ZSWIM6: variants seen among roughly 807,000 people sequenced by gnomAD.
ZSWIM6 encodes zinc finger SWIM domain-containing protein 6.
A neutral mutation model predicts 113.2 loss-of-function variants in ZSWIM6; 9 were observed. That is an observed-to-expected ratio of 0.08 (90% CI 0.05 to 0.14). The LOEUF is 0.14. Among genes scored for constraint, ZSWIM6 ranks in the 10% least tolerant of loss-of-function variants. The pLI is 1.00. For missense variants in ZSWIM6, 1,162 were observed against 1,552.2 expected, an observed-to-expected ratio of 0.75 and a Z score of 4.22; for synonymous variants, 611 against 606.5, an observed-to-expected ratio of 1.01 and a Z score of -0.11.
Position 61,466,496 on chromosome 5 carries a change from G to A in ZSWIM6, c.677-6185G>A, listed in dbSNP as rs527897739. Among the ~76,000 whole-genome samples the A allele has an allele frequency of 2.0e-5, 3 of 152,260 alleles. No individual in the cohort carries two copies. In the East Asian group the frequency reaches 5.8e-4, roughly 29 times the overall value. On this transcript the variant is annotated intron_variant, in intron 1 of 13. Coordinates refer to ENST00000252744, the MANE Select transcript of ZSWIM6 (RefSeq NM_020928.2). ...AAGGGTGAAAGATGTATTTGTGTAA[G>A]TACTACACCAGTGCTTCTGTTAAAT...
rs554849943 is a variant in ZSWIM6, at chr5:61,337,075, G to T, written c.676+4127G>T. On this transcript the variant is annotated intron_variant, in intron 1 of 13. Transcript: ENST00000252744. ...GTGGGTGGATCACCTGAGGTCAGGG[G>T]TTAGAGACCAGCCTGGCCAACAGGG... Among the ~76,000 whole-genome samples the T allele has an allele frequency of 3.3e-5, 5 of 152,268 alleles. No individual in the cohort carries two copies. The East Asian group carries it at 9.7e-4, about 30-fold the overall frequency.
chr5:61,485,058 A>T (rs1278180339), intron 2 of ZSWIM6, among the ~76,000 whole-genome samples: 2 of 152,096 alleles, frequency 1.3e-5, no homozygotes, highest in Admixed American at 6.5e-5. Context: ...CCAGGGGGGA[A>T]AATGTATATG....
chr5:61,474,501 T>C (rs1287806867), intron 2 of ZSWIM6, among the ~76,000 whole-genome samples: 2 of 152,228 alleles, frequency 1.3e-5, no homozygotes, highest in African/African-American at 2.4e-5. Context: ...ATCTAAAATA[T>C]CAATCCAACA....
At chr5:61,337,745 C>T (rs1744433189) in intron 1 of ZSWIM6, among the ~76,000 whole-genome samples, 1 of 152,132 alleles carries the variant, frequency 6.6e-6, no homozygotes, top group Non-Finnish European at 1.5e-5. Flanking sequence ...TGCATAAAAA[C>T]ATCTGTAAGT....
chr5:61,419,501 C>G (rs902838720), intron 1 of ZSWIM6, among the ~76,000 whole-genome samples: 1 of 152,130 alleles, frequency 6.6e-6, no homozygotes, highest in African/African-American at 2.4e-5. Flanking sequence ...ACTGAGCTGC[C>G]CAGTAAGGCA....
chr5:61,356,717 A>G (rs1438683669), intron 1 of ZSWIM6, among the ~76,000 whole-genome samples: 1 of 107,366 alleles, frequency 9.3e-6, no homozygotes, highest in Non-Finnish European at 1.9e-5. Flanking sequence ...TATAATATAT[A>G]TAACATAATA....
chr5:61,459,713 G>A (rs1162492785), intron 1 of ZSWIM6, among the ~76,000 whole-genome samples: 3 of 152,102 alleles, frequency 2.0e-5, no homozygotes, highest in African/African-American at 7.2e-5. Context: ...GTATTCATAT[G>A]TCAGGCACTG....
At chr5:61,338,351 A>G (rs1035048589) in intron 1 of ZSWIM6, among the ~76,000 whole-genome samples, 1 of 152,164 alleles carries the variant, frequency 6.6e-6, no homozygotes, top group Non-Finnish European at 1.5e-5. Flanking sequence ...TTGATAGTAC[A>G]TTTCATTGAA....
intron 1 of ZSWIM6, among the ~76,000 whole-genome samples, chr5:61,381,478 T>C (rs931347711): frequency 6.6e-6 from 1 of 152,210 alleles, no homozygotes; most frequent in Non-Finnish European, 1.5e-5. Flanking sequence ...CTATTGAATT[T>C]AAATAAGGCA....
chr5:61,521,590 G>A (rs1749123038), intron 5 of ZSWIM6, 148 bp downstream of exon 5: 2 of 522,818 alleles, frequency 3.8e-6, no homozygotes, highest in East Asian at 3.5e-5. Context: ...GACTGTGAGT[G>A]TATGTGTGTC....
chr5:61,344,858 A>G (rs994120021), intron 1 of ZSWIM6, among the ~76,000 whole-genome samples: 1 of 152,230 alleles, frequency 6.6e-6, no homozygotes, highest in Admixed American at 6.5e-5. Context: ...AATTTCAGAC[A>G]TATTCTGTGC....
At chr5:61,335,666 G>A (rs1432059188) in intron 1 of ZSWIM6, among the ~76,000 whole-genome samples, 8 of 152,212 alleles carry the variant, frequency 5.3e-5, no homozygotes, top group Admixed American at 3.3e-4. Flanking sequence ...AATTACAAGT[G>A]TACAGAAAGT....
chr5:61,437,040 C>T (rs1478648176), intron 1 of ZSWIM6, among the ~76,000 whole-genome samples: 1 of 152,164 alleles, frequency 6.6e-6, no homozygotes, highest in Non-Finnish European at 1.5e-5. Flanking sequence ...TGCTTCAAGG[C>T]ACACACGTTC....
At chr5:61,384,060 T>C (rs1579966761) in intron 1 of ZSWIM6, among the ~76,000 whole-genome samples, 1 of 148,842 alleles carries the variant, frequency 6.7e-6, no homozygotes, top group African/African-American at 2.4e-5. Flanking sequence ...GCTAACAAGG[T>C]GAAACCCCGT....
chr5:61,544,965 A>G lies in ZSWIM6; in HGVS notation c.*648A>G, dbSNP rs1455132026. 1 of 152,100 alleles carries G rather than the reference A, an allele frequency of 6.6e-6. No individual in the cohort carries two copies. The highest frequency in any genetic ancestry group is 6.6e-5 in the Admixed American group (1 of 15,256). 9.4% of individuals were successfully genotyped at this position (152,100 alleles called of 1,614,324 possible). On this transcript the variant is annotated 3_prime_UTR_variant, in exon 14 of 14. Transcript: ENST00000252744. ...AGAATGAGAGCATTTATTGTACTGT[A>G]TATATATTATAGTATATGTCTGAAT...
At chr5:61,340,728 G>A (rs1240479453) in intron 1 of ZSWIM6, among the ~76,000 whole-genome samples, 1 of 152,154 alleles carries the variant, frequency 6.6e-6, no homozygotes, top group Non-Finnish European at 1.5e-5. Flanking sequence ...TAGTTTGGTA[G>A]TCTCTGAAAT....
intron 1 of ZSWIM6, among the ~76,000 whole-genome samples, chr5:61,407,917 C>G (rs1746075072): frequency 1.3e-5 from 2 of 152,162 alleles, no homozygotes; most frequent in African/African-American, 4.8e-5. Context: ...GGTAAAGGTA[C>G]AGTCTCAGTG....
intron 1 of ZSWIM6, among the ~76,000 whole-genome samples, chr5:61,389,129 C>G (rs1745648328): frequency 6.6e-6 from 1 of 152,128 alleles, no homozygotes; most frequent in African/African-American, 2.4e-5. Context: ...TGAGGGCACT[C>G]TGTAGGGCTT....
chr5:61,371,673 A>G (rs1235872029), intron 1 of ZSWIM6, among the ~76,000 whole-genome samples: 1 of 152,184 alleles, frequency 6.6e-6, no homozygotes, highest in African/African-American at 2.4e-5. Context: ...TCCAGGGAGC[A>G]ATTAGGAGGG....
Sources: gnomAD v4.1 joint callset for allele counts (sites outside exome capture counted in the v4.1 genomes callset) on GRCh38, gnomAD v4.1.1 for gene constraint, MANE v1.5 for transcripts, NCBI Gene and HGNC (gene_info 2026-07-23, HGNC 2026-07-21) for gene names.